The following GALNTL6 variants were observed in gnomAD, a reference collection of about 807,000 sequenced individuals.
The protein encoded by GALNTL6 is polypeptide N-acetylgalactosaminyltransferase like 6, also known as polypeptide N-acetylgalactosaminyltransferase-like 6.
In GALNTL6, 46 loss-of-function variants were observed where a neutral mutation model predicts 73.7. That is an observed-to-expected ratio of 0.62 (90% CI 0.49 to 0.80). The LOEUF (loss-of-function observed/expected upper bound fraction) is 0.80, where lower values mean the gene tolerates loss of function less well. GALNTL6 is among the 30% of genes least tolerant of loss of function. The pLI is 0.00. For missense variants in GALNTL6, 604 were observed against 755.0 expected (o/e 0.80, Z 2.34); for synonymous variants, 259 against 263.7 (o/e 0.98, Z 0.17).
chr4:172,191,207 T>C (rs1401220217), intron 2 of GALNTL6, among the ~76,000 whole-genome samples: 2 of 152,238 alleles, frequency 1.3e-5, no homozygotes, highest in Admixed American at 6.5e-5. Context: ...ACTAGGGTTA[T>C]TCTTGAAACC....
intron 9 of GALNTL6, among the ~76,000 whole-genome samples, chr4:172,948,613 C>T (rs922333294): frequency 6.2e-5 from 8 of 129,516 alleles, no homozygotes; most frequent in African/African-American, 8.4e-5. Flanking sequence ...CCACCAGCCT[C>T]GCTAATTTTT....
At chr4:171,923,487 T>C (rs1737860847) in intron 2 of GALNTL6, among the ~76,000 whole-genome samples, 1 of 146,306 alleles carries the variant, frequency 6.8e-6, no homozygotes, top group Admixed American at 6.9e-5. Context: ...AAGCTCAGCC[T>C]CCTGGGTTCA....
chr4:172,937,558 A>G lies in GALNTL6; in HGVS notation c.1149+6290A>G, dbSNP rs115127409. On this transcript the variant is annotated intron_variant, in intron 9 of 12. Coordinates refer to ENST00000506823, the MANE Select transcript of GALNTL6 (RefSeq NM_001034845.3). ...TTCTGAGAGCACACAAAAACTTTTG[A>G]CAGATTTTCTTTGGCAAATAAATGT... Among the ~76,000 whole-genome samples the G allele has an allele frequency of 7.9e-3, 1,210 of 152,340 alleles. 15 individuals carry two copies. Among genetic ancestry groups the G allele is most frequent in the African/African-American group, 0.028 (1,169 of 41,582 alleles).
intron 5 of GALNTL6, among the ~76,000 whole-genome samples, chr4:172,473,977 G>A (rs1733142556): frequency 6.6e-6 from 1 of 152,084 alleles, no homozygotes; most frequent in African/African-American, 2.4e-5. Context: ...TCTGCAATGT[G>A]TTCCATCTTT....
At position 171,901,581 on chromosome 4, in the gene GALNTL6, T is replaced by C. The variant is rs189544132; in HGVS notation, c.138+86863T>C. Among the ~76,000 whole-genome samples the C allele has an allele frequency of 3.9e-4, 60 of 152,328 alleles. 2 individuals are homozygous for C. The East Asian group carries it at 9.8e-3, about 25-fold the overall frequency. On this transcript the variant is annotated intron_variant, in intron 2 of 12. Coordinates refer to ENST00000506823, the MANE Select transcript of GALNTL6 (RefSeq NM_001034845.3). ...GGAGGCATCTCAGGACCAGACCATGTTCATGTTTTCTTTATTTTTCTACCT... is the reference window on the plus strand; with the variant it reads ...GGAGGCATCTCAGGACCAGACCATGCTCATGTTTTCTTTATTTTTCTACCT...
chr4:171,869,864 T>C (rs1027578380), intron 2 of GALNTL6, among the ~76,000 whole-genome samples: 15 of 152,148 alleles, frequency 9.9e-5, no homozygotes, highest in Admixed American at 8.5e-4. Flanking sequence ...TGCCATCTTC[T>C]GCCATGATTG....
At chr4:172,406,844 T>G (rs957296060) in intron 5 of GALNTL6, among the ~76,000 whole-genome samples, 1 of 152,026 alleles carries the variant, frequency 6.6e-6, no homozygotes, top group African/African-American at 2.4e-5. Flanking sequence ...ATTTCTATTT[T>G]TAAGTTTATT....
intron 5 of GALNTL6, among the ~76,000 whole-genome samples, chr4:172,797,317 G>A (rs932828807): frequency 6.6e-6 from 1 of 152,092 alleles, no homozygotes; most frequent in East Asian, 1.9e-4. Context: ...ATGGATATCG[G>A]CTCACTGCAA....
At chr4:172,763,204 A>T (rs1233845408) in intron 5 of GALNTL6, among the ~76,000 whole-genome samples, 1 of 152,178 alleles carries the variant, frequency 6.6e-6, no homozygotes, top group East Asian at 1.9e-4. Context: ...TGAAAAAAAA[A>T]AACAAAACTG....
intron 8 of GALNTL6, among the ~76,000 whole-genome samples, chr4:172,929,040 A>G (rs892924524): frequency 6.6e-6 from 1 of 152,172 alleles, no homozygotes; most frequent in Non-Finnish European, 1.5e-5. Flanking sequence ...GTTCAATGTT[A>G]TAGAGCTCCA....
At chr4:172,415,744 A>AG (rs1449894704) in intron 5 of GALNTL6, among the ~76,000 whole-genome samples, 2 of 152,142 alleles carry the variant, frequency 1.3e-5, no homozygotes, top group African/African-American at 2.4e-5. Context: ...TGCAACTCTA[A>AG]GGGGGGTCCG....
At chr4:172,425,269 C>T (rs1731187207) in intron 5 of GALNTL6, 1 of 152,078 alleles carries the variant, frequency 6.6e-6, no homozygotes, top group African/African-American at 2.4e-5. Flanking sequence ...TGATATCCTA[C>T]TTTCCTTTCT....
intron 5 of GALNTL6, among the ~76,000 whole-genome samples, chr4:172,364,964 C>T (rs1253441230): frequency 6.6e-6 from 1 of 152,168 alleles, no homozygotes; most frequent in Non-Finnish European, 1.5e-5. Flanking sequence ...TAAAGGCAAA[C>T]ATAGGTGCTT....
chr4:172,928,839 T>C (rs2111312561), intron 8 of GALNTL6, among the ~76,000 whole-genome samples: 1 of 152,326 alleles, frequency 6.6e-6, no homozygotes, highest in South Asian at 2.1e-4. Flanking sequence ...TAGAAGGAAA[T>C]ATAAAGCATT....
At chr4:173,008,485 C>T (rs1027982963) in intron 10 of GALNTL6, among the ~76,000 whole-genome samples, 65 of 152,208 alleles carry the variant, frequency 4.3e-4, no homozygotes, top group African/African-American at 1.5e-3. Context: ...CCATAATAGG[C>T]CTGTTGCCTG....
At chr4:172,968,439 A>G (rs1750430638) in intron 10 of GALNTL6, among the ~76,000 whole-genome samples, 1 of 152,186 alleles carries the variant, frequency 6.6e-6, no homozygotes. Flanking sequence ...ACGCAGAGTT[A>G]CCCTGCATAT....
intron 5 of GALNTL6, among the ~76,000 whole-genome samples, chr4:172,769,770 G>A (rs556805687): frequency 2.8e-4 from 42 of 152,218 alleles, no homozygotes; most frequent in East Asian, 1.4e-3. Flanking sequence ...TTTGTATTTC[G>A]TGTAATAAAA....
chr4:172,676,610 A>G (rs1732315733), intron 5 of GALNTL6, among the ~76,000 whole-genome samples: 1 of 152,210 alleles, frequency 6.6e-6, no homozygotes, highest in South Asian at 2.1e-4. Context: ...TGCCCTTAAA[A>G]GTAGGGGTTA....
intron 2 of GALNTL6, among the ~76,000 whole-genome samples, chr4:171,897,602 C>CACG (rs1478418233): frequency 6.6e-6 from 1 of 151,998 alleles, no homozygotes; most frequent in Non-Finnish European, 1.5e-5. Flanking sequence ...GCATGTGGAT[C>CACG]ACGAGGTCAG....
Sources: gnomAD v4.1 joint callset for allele counts (sites outside exome capture counted in the v4.1 genomes callset) on GRCh38, gnomAD v4.1.1 for gene constraint, MANE v1.5 for transcripts, NCBI Gene and HGNC (gene_info 2026-07-23, HGNC 2026-07-21) for gene names.